Variants in TUBGCP3 observed in about 807,000 individuals in gnomAD.
TUBGCP3 encodes the protein gamma-tubulin complex component 3.
A neutral mutation model predicts 123.1 loss-of-function variants in TUBGCP3; 50 were observed. The observed-to-expected ratio is 0.41, with a 90% confidence interval of 0.32 to 0.51. TUBGCP3 has a LOEUF of 0.51. Ranked by LOEUF, TUBGCP3 falls within the 20% of genes least tolerant of loss-of-function variation. The pLI is 0.36. For synonymous variants in TUBGCP3, 405 were observed against 413.9 expected (o/e 0.98, Z 0.26); for missense variants, 882 against 1,127.0 (o/e 0.78, Z 3.11).
Position 112,485,939 on chromosome 13 carries a change from G to A in TUBGCP3, c.*54C>T, listed in dbSNP as rs528088224. The A allele has an allele frequency of 2.8e-5, 36 of 1,275,186 alleles. No homozygotes were observed. In the African/African-American group the frequency reaches 3.8e-4, roughly 14 times the overall value. The allele number at this position is 1,275,186 out of a possible 1,614,324, so 79.0% of individuals were successfully genotyped here. A position where few individuals can be genotyped will look rare whatever the true frequency, so the allele number is the denominator to read the frequency against. Reference sequence around the variant, plus strand: ...CCTGCAGGACGTCAATGGGAATTTCGTGTCTAGCAGTGCAACGAACATCAC... The same window carrying A: ...CCTGCAGGACGTCAATGGGAATTTCATGTCTAGCAGTGCAACGAACATCAC... On this transcript the variant is annotated 3_prime_UTR_variant, in exon 22 of 22. Coordinates refer to ENST00000261965, the MANE Select transcript of TUBGCP3 (RefSeq NM_006322.6).
intron 21 of TUBGCP3, among the ~76,000 whole-genome samples, chr13:112,488,461 T>G (rs570641929): frequency 1.3e-5 from 2 of 152,320 alleles, no homozygotes; most frequent in East Asian, 1.9e-4. Context: ...CTACACCATG[T>G]CTGCTGGCTG....
upstream of TUBGCP3, among the ~76,000 whole-genome samples, chr13:112,589,721 C>G (rs1425073779): frequency 6.6e-6 from 1 of 152,196 alleles, no homozygotes; most frequent in Non-Finnish European, 1.5e-5. Context: ...TATCAAGATT[C>G]CAGGCCATTC....
chr13:112,544,829 A>C (rs1302843962), intron 11 of TUBGCP3: 2 of 152,310 alleles, frequency 1.3e-5, no homozygotes, highest in Non-Finnish European at 2.9e-5. Context: ...CTTGCTTTAA[A>C]AACAACTTGT....
At chr13:112,523,993 G>A (rs1015005331) in intron 13 of TUBGCP3, among the ~76,000 whole-genome samples, 1 of 152,080 alleles carries the variant, frequency 6.6e-6, no homozygotes, top group South Asian at 2.1e-4. Context: ...GGCAGCCATG[G>A]ACAGGACGAC....
intron 14 of TUBGCP3, among the ~76,000 whole-genome samples, chr13:112,520,813 G>A (rs1016988564): frequency 6.6e-6 from 1 of 152,128 alleles, no homozygotes; most frequent in Non-Finnish European, 1.5e-5. Context: ...AAGCTAACAC[G>A]TCTCTAATCG....
At chr13:112,589,276 C>G (rs146647172), upstream of TUBGCP3, among the ~76,000 whole-genome samples, 9 of 152,358 alleles carry the variant, frequency 5.9e-5, no homozygotes, top group East Asian at 1.7e-3. Flanking sequence ...ACCCTCTCCC[C>G]CACCTTCAGC....
intron 11 of TUBGCP3, among the ~76,000 whole-genome samples, chr13:112,538,989 A>G (rs1297591374): frequency 6.6e-6 from 1 of 152,232 alleles, no homozygotes. Flanking sequence ...CACCAAAACT[A>G]ATCAAAGACT....
chr13:112,567,333 T>C (rs903981237), intron 2 of TUBGCP3, among the ~76,000 whole-genome samples: 3 of 152,226 alleles, frequency 2.0e-5, no homozygotes, highest in Admixed American at 6.5e-5. Context: ...ACAAACTTTA[T>C]TTTTAGCTAC....
intron 13 of TUBGCP3, among the ~76,000 whole-genome samples, chr13:112,526,489 C>T (rs1877113264): frequency 6.7e-6 from 1 of 148,672 alleles, no homozygotes; most frequent in African/African-American, 2.5e-5. Context: ...CACACCATCA[C>T]CATCATCACC....
At position 112,558,288 on chromosome 13, in the gene TUBGCP3, C is replaced by A; in HGVS notation, c.456G>T (p.Gln152His). The A allele has an allele frequency of 6.2e-7, 1 of 1,613,474 alleles. No individual in the cohort carries two copies. The highest frequency in any genetic ancestry group is 8.5e-7 in the Non-Finnish European group (1 of 1,180,032). Residue 152 changes from glutamine (Q) to histidine (H), a missense_variant, in exon 5 of 22, where the codon CAG (glutamine) becomes CAT (histidine). Coordinates refer to ENST00000261965, the MANE Select transcript of TUBGCP3 (RefSeq NM_006322.6). Reference sequence around the variant, plus strand: ...CACTGCTGCCCACGCTGCCGGAGCTCTGGGCTGACTGGGCACTCCGATCTT... The same window carrying A: ...CACTGCTGCCCACGCTGCCGGAGCTATGGGCTGACTGGGCACTCCGATCTT... Reference protein sequence around the residue: ...SYQDRSAQSAQSSGSVGSSGI... With the variant: ...SYQDRSAQSAHSSGSVGSSGI...
intron 11 of TUBGCP3, among the ~76,000 whole-genome samples, chr13:112,528,872 G>C (rs374478897): frequency 5.6e-4 from 84 of 151,196 alleles, no homozygotes; most frequent in African/African-American, 1.7e-3. Flanking sequence ...TTCTTTTTGA[G>C]ACAGGGTCTC....
intron 20 of TUBGCP3, among the ~76,000 whole-genome samples, chr13:112,495,115 G>A (rs1173231963): frequency 1.3e-5 from 2 of 152,184 alleles, no homozygotes; most frequent in African/African-American, 4.8e-5. Context: ...TGCTTGCAGA[G>A]TATTACTCAA....
the TUBGCP3 span, among the ~76,000 whole-genome samples, chr13:112,602,301 T>C: frequency 6.6e-6 from 1 of 152,184 alleles, no homozygotes; most frequent in Non-Finnish European, 1.5e-5. Context: ...AGAAAGAAGT[T>C]AATGAGTTTC....
chr13:112,518,711 C>T (rs748238523), intron 16 of TUBGCP3, among the ~76,000 whole-genome samples: 1 of 152,076 alleles, frequency 6.6e-6, no homozygotes, highest in Non-Finnish European at 1.5e-5. Context: ...ATGAACAGTC[C>T]ATTTATTAAG....
chr13:112,491,132 G>T (rs1326891534), intron 20 of TUBGCP3, among the ~76,000 whole-genome samples: 1 of 152,138 alleles, frequency 6.6e-6, no homozygotes, highest in East Asian at 1.9e-4. Flanking sequence ...TAACTTCTTT[G>T]TTTCCGATTC....
chr13:112,569,710 G>A (rs896637713), intron 1 of TUBGCP3, among the ~76,000 whole-genome samples: 6 of 152,144 alleles, frequency 3.9e-5, no homozygotes, highest in East Asian at 1.9e-4. Context: ...CAGCTTAAAC[G>A]CATGTGCCTC....
At chr13:112,580,124 G>A (rs9577382) in intron 1 of TUBGCP3, among the ~76,000 whole-genome samples, 23,154 of 152,082 alleles carry the variant, frequency 0.15, 2,078 homozygotes, top group Non-Finnish European at 0.21. Flanking sequence ...TTCTAGAAGC[G>A]GAGACATACA....
At position 112,554,014 on chromosome 13, in the gene TUBGCP3, C is replaced by T. The variant is rs1038972055; in HGVS notation, c.966+43G>A. On this transcript the variant is annotated intron_variant, in intron 8 of 21. Transcript: ENST00000261965. ...GATTTCAACTAGAGTAAGCGTTTCC[C>T]AAAGTGCGCAGCATCCCAGCATCCT... is the stretch of plus-strand genomic sequence containing the variant. 5.0e-6 allele frequency: 8 copies of T among 1,589,610 alleles called. No individual in the cohort carries two copies. The East Asian group carries it at 6.7e-5, about 13-fold the overall frequency.
Position 112,559,399 on chromosome 13 carries a change from C to G in TUBGCP3, c.253G>C (p.Gly85Arg). Residue 85 changes from glycine to arginine, a missense_variant and splice_region_variant, in exon 4 of 22, where the codon GGA becomes CGA. This residue lies in a region of TUBGCP3 where 713 missense variants were observed against 874.0 expected (regional missense o/e 0.82). Coordinates refer to ENST00000261965, the MANE Select transcript of TUBGCP3 (RefSeq NM_006322.6). Reference sequence around the variant, plus strand: ...ATTGACCATTTATTTTTCAAAACTCCCTGTTTGGAAAAAAGTTAATATTAA... The same window carrying G: ...ATTGACCATTTATTTTTCAAAACTCGCTGTTTGGAAAAAAGTTAATATTAA... Reference protein sequence around the residue: ...SELHRKLHSQGVLKNKWSILY... With the variant: ...SELHRKLHSQRVLKNKWSILY... The G allele has an allele frequency of 6.3e-7, 1 of 1,592,832 alleles. No homozygotes were observed. The highest frequency in any genetic ancestry group is 8.6e-7 in the Non-Finnish European group (1 of 1,165,518).
Sources: allele counts gnomAD v4.1 joint callset (sites outside exome capture counted in the v4.1 genomes callset), GRCh38; gene constraint gnomAD v4.1.1; regional missense constraint gnomAD v4.1.1; transcripts MANE v1.5; gene names NCBI Gene and HGNC (gene_info 2026-07-23, HGNC 2026-07-21).